The following CD28 variants were observed in gnomAD, a reference collection of about 807,000 sequenced individuals.
CD28 encodes the protein T-cell-specific surface glycoprotein CD28.
CD28 carries 8 observed loss-of-function variants against 21.4 expected under a neutral mutation model. The observed-to-expected ratio is 0.37, with a 90% CI of 0.22 to 0.68. The LOEUF (loss-of-function observed/expected upper bound fraction) is 0.68. Ranked by LOEUF, CD28 falls within the 30% of genes least tolerant of loss-of-function variation. CD28 has a pLI of 0.55. For synonymous variants in CD28, 106 were observed against 104.0 expected, an observed-to-expected ratio of 1.02 and a Z score of -0.12; for missense variants, 239 against 272.2, an observed-to-expected ratio of 0.88 and a Z score of 0.86.
At chr2:203,719,373 T>C (rs1046106332) in intron 1 of CD28, among the ~76,000 whole-genome samples, 3 of 152,190 alleles carry the variant, frequency 2.0e-5, no homozygotes, top group Non-Finnish European at 4.4e-5. Flanking sequence ...AAATGAAATG[T>C]ATTTTGTTCT....
At chr2:203,708,111 T>A (rs927918162) in intron 1 of CD28, among the ~76,000 whole-genome samples, 1 of 152,216 alleles carries the variant, frequency 6.6e-6, no homozygotes, top group African/African-American at 2.4e-5. Context: ...GTACAGAGAC[T>A]GCATTATTTG....
chr2:203,709,201 A>T (rs1460683356), intron 1 of CD28, among the ~76,000 whole-genome samples: 1 of 152,160 alleles, frequency 6.6e-6, no homozygotes, highest in African/African-American at 2.4e-5. Context: ...TCCATTAAGA[A>T]ATTATAGATA....
In CD28 at chr2:203,706,702, C is replaced by G. The variant is rs142565527; in HGVS notation, c.6C>G (p.Leu2=). 13 of 1,613,984 alleles carry G rather than the reference C, an allele frequency of 8.1e-6. No homozygotes were observed. The East Asian group carries it at 2.7e-4, about 33-fold the overall frequency. Residue 2 remains leucine, a synonymous_variant, in exon 1 of 4, where the codon CTC becomes CTG. Transcript: ENST00000324106. M[L]RLLLALNLFP... ...AGCCCATCGTCAGGACAAAGATGCT[C>G]AGGCTGCTCTTGGCTCTCAACTTAT...
At chr2:203,722,187 C>T (rs926190780) in intron 1 of CD28, among the ~76,000 whole-genome samples, 23 of 152,214 alleles carry the variant, frequency 1.5e-4, no homozygotes, top group African/African-American at 5.5e-4. Flanking sequence ...GGTGAGCAAG[C>T]AGAATACAAA....
intron 3 of CD28, 66 bp from the exon 4 acceptor site, chr2:203,734,718 T>G (rs1200974730): frequency 4.6e-5 from 73 of 1,572,516 alleles, no homozygotes; most frequent in Non-Finnish European, 5.8e-5. Context: ...TGAATAGTTG[T>G]GCCCACAGTC....
At position 203,732,088 on chromosome 2, in the gene CD28, A is replaced by C. The variant is rs1237863749; in HGVS notation, c.534+2316A>C. 2.0e-5 allele frequency among the ~76,000 whole-genome samples: 3 copies of C among 152,306 alleles called. No individual in the cohort carries two copies. The East Asian group carries it at 5.8e-4, about 29-fold the overall frequency. On this transcript the variant is annotated intron_variant, in intron 3 of 3. Transcript: ENST00000324106. ...CCTTGCTGAGTTGGGCATCTAGGCCATTATGGATCCCTGGAGTTTAGCTGT... is the reference window on the plus strand; with the variant it reads ...CCTTGCTGAGTTGGGCATCTAGGCCCTTATGGATCCCTGGAGTTTAGCTGT...
In CD28 at chr2:203,737,704, T is replaced by A. The variant is rs1694072078; in HGVS notation, c.*2792T>A. On this transcript the variant is annotated 3_prime_UTR_variant, in exon 4 of 4. Transcript: ENST00000324106. ...ATTTGCTGCTATTATTGTAAGAGTC[T>A]TATAATTAATGGTACTCCTATAATT... The A allele has an allele frequency of 6.6e-6, 1 of 152,620 alleles. No homozygotes were observed. The allele number at this position is 152,620 out of a possible 1,614,324, so 9.5% of individuals were successfully genotyped here. A position where few individuals can be genotyped will look rare whatever the true frequency, so the allele number is the denominator to read the frequency against.
At chr2:203,709,109 CAA>C (rs34357514) in intron 1 of CD28, among the ~76,000 whole-genome samples, 4 of 138,184 alleles carry the variant, frequency 2.9e-5, no homozygotes, top group South Asian at 2.4e-4. Context: ...GAAACAGTCT[CAA>C]AAAAAAAAAA....
intron 1 of CD28, among the ~76,000 whole-genome samples, chr2:203,708,490 T>A (rs895878397): frequency 1.6e-4 from 24 of 152,246 alleles, no homozygotes; most frequent in African/African-American, 5.8e-4. Flanking sequence ...GTACACTAAA[T>A]ACTTTTCTGA....
At chr2:203,714,670 G>A (rs1281690366) in intron 1 of CD28, among the ~76,000 whole-genome samples, 1 of 152,126 alleles carries the variant, frequency 6.6e-6, no homozygotes, top group East Asian at 1.9e-4. Context: ...TGGCTTAAAA[G>A]TGCTTCTGAA....
rs1267010433 is a variant in CD28 at position 203,734,695 on chromosome 2, A to G, written c.535-89A>G. ...AGTGTTTTAGTGTCTCTGTCATTTG[A>G]CAGTTAATATTATGAATAGTTGTGC... is the stretch of plus-strand genomic sequence containing the variant. On this transcript the variant is annotated intron_variant, in intron 3 of 3. Transcript: ENST00000324106. The G allele has an allele frequency of 6.0e-6, 9 of 1,495,596 alleles. No individual in the cohort carries two copies. The South Asian group carries it at 7.9e-5, about 13-fold the overall frequency. The allele number at this position is 1,495,596 out of a possible 1,614,324, so 92.6% of individuals were successfully genotyped here. A position where few individuals can be genotyped will look rare whatever the true frequency, so the allele number is the denominator to read the frequency against.
At chr2:203,730,537 G>C (rs1336571820) in intron 3 of CD28, among the ~76,000 whole-genome samples, 1 of 152,096 alleles carries the variant, frequency 6.6e-6, no homozygotes, top group Non-Finnish European at 1.5e-5. Context: ...ACATAGTATG[G>C]TACAGAATGT....
At chr2:203,725,218 G>A (rs1333509543) in intron 1 of CD28, among the ~76,000 whole-genome samples, 2 of 151,782 alleles carry the variant, frequency 1.3e-5, no homozygotes, top group East Asian at 1.9e-4. Flanking sequence ...TGAACCCAGA[G>A]GGCGGAGGTT....
At chr2:203,714,999 A>G (rs1275120400) in intron 1 of CD28, among the ~76,000 whole-genome samples, 2 of 152,202 alleles carry the variant, frequency 1.3e-5, no homozygotes, top group Non-Finnish European at 2.9e-5. Context: ...TGACAAGGTG[A>G]TCCTGAGCAG....
intron 3 of CD28, among the ~76,000 whole-genome samples, chr2:203,731,290 C>T (rs1693882007): frequency 1.3e-5 from 2 of 152,210 alleles, no homozygotes; most frequent in East Asian, 1.9e-4. Context: ...GTATCTTCAT[C>T]CAACTTACCT....
intron 1 of CD28, among the ~76,000 whole-genome samples, chr2:203,711,795 T>C (rs1693319163): frequency 6.6e-6 from 1 of 152,206 alleles, no homozygotes; most frequent in South Asian, 2.1e-4. Context: ...TCAGCCTTTA[T>C]TGTGGTCTTG....
Position 203,734,771 on chromosome 2 carries a change from C to G in CD28, c.535-13C>G. ...ACATTGTCCCTCCATACTGACACTTCTCTTTCCTGCAGGTGAGGAGTAAGA... is the reference window on the plus strand; with the variant it reads ...ACATTGTCCCTCCATACTGACACTTGTCTTTCCTGCAGGTGAGGAGTAAGA... On this transcript the variant is annotated splice_polypyrimidine_tract_variant and intron_variant, in intron 3 of 3. Coordinates refer to ENST00000324106, the MANE Select transcript of CD28 (RefSeq NM_006139.4). 5.0e-6 allele frequency: 8 copies of G among 1,614,136 alleles called. No individual in the cohort carries two copies. Among genetic ancestry groups the G allele is most frequent in the Non-Finnish European group, 6.8e-6 (8 of 1,179,958 alleles).
At chr2:203,717,633 C>T (rs763030641) in intron 1 of CD28, among the ~76,000 whole-genome samples, 48 of 152,280 alleles carry the variant, frequency 3.2e-4, no homozygotes, top group Non-Finnish European at 5.1e-4. Flanking sequence ...ACTGTATCCA[C>T]GGGTTATGCA....
At chr2:203,713,748 T>C (rs1693378804) in intron 1 of CD28, among the ~76,000 whole-genome samples, 1 of 151,974 alleles carries the variant, frequency 6.6e-6, no homozygotes, top group Admixed American at 6.6e-5. Flanking sequence ...TCTACCATGG[T>C]ATTTTGTGCA....
Sources: gnomAD v4.1 joint callset for allele counts (sites outside exome capture counted in the v4.1 genomes callset) on GRCh38, gnomAD v4.1.1 for gene constraint, MANE v1.5 for transcripts, NCBI Gene and HGNC (gene_info 2026-07-23, HGNC 2026-07-21) for gene names.